The following THSD7B variants were observed in gnomAD, a reference collection of about 807,000 sequenced individuals.
THSD7B encodes the protein thrombospondin type-1 domain-containing protein 7B.
A neutral mutation model predicts 213.6 loss-of-function variants in THSD7B; 138 were observed. That is an observed-to-expected ratio of 0.65 (90% CI 0.56 to 0.74). The LOEUF is 0.74. Ranked by LOEUF, THSD7B falls within the 30% of genes least tolerant of loss-of-function variation. The pLI, the probability that THSD7B is intolerant of heterozygous loss-of-function variation, is 0.00. For missense variants in THSD7B, 1,931 were observed against 1,991.5 expected, an observed-to-expected ratio of 0.97 and a Z score of 0.58; for synonymous variants, 742 against 687.0, an observed-to-expected ratio of 1.08 and a Z score of -1.25.
intron 2 of THSD7B, among the ~76,000 whole-genome samples, chr2:136,883,556 T>C (rs1465611): frequency 0.99 from 150,753 of 152,236 alleles, 74,659 homozygotes; most frequent in South Asian, 1. Context: ...TCACAAAAGA[T>C]GAACATTTGA....
At chr2:137,178,639 A>G (rs1386488713) in intron 7 of THSD7B, among the ~76,000 whole-genome samples, 2 of 152,130 alleles carry the variant, frequency 1.3e-5, no homozygotes, top group African/African-American at 4.8e-5. Context: ...AAAAATAGAG[A>G]CTCATTCTAA....
chr2:137,108,237 A>G (rs1688291181), intron 4 of THSD7B, among the ~76,000 whole-genome samples: 1 of 152,232 alleles, frequency 6.6e-6, no homozygotes, highest in Non-Finnish European at 1.5e-5. Flanking sequence ...TAGAAGAAGG[A>G]GCAAAGAAAC....
intron 2 of THSD7B, among the ~76,000 whole-genome samples, chr2:136,986,262 G>A (rs980015056): frequency 3.9e-5 from 6 of 152,144 alleles, no homozygotes; most frequent in African/African-American, 1.4e-4. Flanking sequence ...GGGCAGCCAG[G>A]GATGGAATGA....
chr2:137,225,438 GAA>G (rs1272073019), intron 7 of THSD7B, among the ~76,000 whole-genome samples: 1 of 152,150 alleles, frequency 6.6e-6, no homozygotes, highest in Non-Finnish European at 1.5e-5. Flanking sequence ...AATGTAAAGA[GAA>G]AGATATATGT....
At chr2:137,527,808 G>T (rs557868563) in intron 15 of THSD7B, among the ~76,000 whole-genome samples, 1 of 152,172 alleles carries the variant, frequency 6.6e-6, no homozygotes, top group African/African-American at 2.4e-5. Context: ...AATTTTGGAG[G>T]ATATTAGGAC....
At chr2:136,929,911 T>C (rs965172734) in intron 2 of THSD7B, among the ~76,000 whole-genome samples, 4 of 152,208 alleles carry the variant, frequency 2.6e-5, no homozygotes, top group African/African-American at 9.6e-5. Flanking sequence ...CATAACATTT[T>C]CATGACAGCT....
intron 3 of THSD7B, among the ~76,000 whole-genome samples, chr2:137,083,180 T>C (rs1466084700): frequency 6.6e-6 from 1 of 152,090 alleles, no homozygotes; most frequent in Non-Finnish European, 1.5e-5. Flanking sequence ...GCTATGTAAC[T>C]CAAGCAGCGT....
chr2:137,564,559 T>A (rs1353871243), intron 16 of THSD7B, among the ~76,000 whole-genome samples: 1 of 152,150 alleles, frequency 6.6e-6, no homozygotes, highest in Non-Finnish European at 1.5e-5. Flanking sequence ...TATTCTCTCA[T>A]GGTTTTGAAA....
At chr2:137,449,242 G>A (rs994504060) in intron 14 of THSD7B, among the ~76,000 whole-genome samples, 1 of 152,062 alleles carries the variant, frequency 6.6e-6, no homozygotes, top group Non-Finnish European at 1.5e-5. Context: ...TGGAATAGGG[G>A]ACTTATTTAT....
chr2:137,236,853 G>A (rs558854534), intron 9 of THSD7B, among the ~76,000 whole-genome samples: 4 of 152,290 alleles, frequency 2.6e-5, no homozygotes, highest in South Asian at 2.1e-4. Flanking sequence ...GCTCATGCCT[G>A]TAATCCCAGC....
intron 1 of THSD7B, among the ~76,000 whole-genome samples, chr2:136,800,318 G>A (rs12615035): frequency 0.11 from 16,409 of 151,750 alleles, 1,006 homozygotes; most frequent in South Asian, 0.2. Flanking sequence ...AGGTGATTAA[G>A]CATCATATTA....
intron 4 of THSD7B, among the ~76,000 whole-genome samples, chr2:137,104,689 G>T (rs1472175355): frequency 1.3e-5 from 2 of 151,316 alleles, no homozygotes; most frequent in Non-Finnish European, 2.9e-5. Context: ...AAAGAGAGAA[G>T]AATCAAATAG....
intron 12 of THSD7B, among the ~76,000 whole-genome samples, chr2:137,319,197 G>C (rs577303530): frequency 8.7e-4 from 132 of 151,500 alleles, no homozygotes; most frequent in African/African-American, 3.1e-3. Context: ...AGGGAGTTAA[G>C]ATGACTATAC....
At chr2:136,973,454 A>G (rs1685433775) in intron 2 of THSD7B, among the ~76,000 whole-genome samples, 1 of 152,064 alleles carries the variant, frequency 6.6e-6, no homozygotes. Context: ...TTTTTTCTGC[A>G]CTTTTTTTCT....
intron 15 of THSD7B, among the ~76,000 whole-genome samples, chr2:137,538,891 T>A (rs1034408019): frequency 6.6e-6 from 1 of 151,664 alleles, no homozygotes; most frequent in African/African-American, 2.4e-5. Context: ...ATGGTTAATA[T>A]AGCTCCAAAC....
rs1223696430 is a variant in THSD7B at position 137,160,386 on chromosome 2, A to G, written c.1525+18A>G. On this transcript the variant is annotated intron_variant, in intron 6 of 27. Coordinates refer to ENST00000409968, the MANE Select transcript of THSD7B (RefSeq NM_001316349.2). ...GAAAAAAGGTGAGTGCCTTGTTTGC[A>G]TGCGCTTCATTTGCTGTCAGCGTAC... 2 of 1,610,118 alleles carry G rather than the reference A, an allele frequency of 1.2e-6. No homozygotes were observed. The highest frequency in any genetic ancestry group is 1.7e-6 in the Non-Finnish European group (2 of 1,178,172).
rs1374900104 is a variant in THSD7B, at chr2:137,568,678, G to T, written c.3273-3728G>T. Among the ~76,000 whole-genome samples the T allele has an allele frequency of 3.3e-5, 5 of 152,082 alleles. No individual in the cohort carries two copies. The East Asian group carries it at 9.7e-4, about 29-fold the overall frequency. The stretch of plus-strand genomic sequence containing the variant: ...AGTGAGTGTCAGCACAGGAAAAACT[G>T]CCATTTATAAAACCATCAGACTTCG... On this transcript the variant is annotated intron_variant, in intron 16 of 27. Coordinates refer to ENST00000409968, the MANE Select transcript of THSD7B (RefSeq NM_001316349.2).
intron 12 of THSD7B, among the ~76,000 whole-genome samples, chr2:137,365,835 A>G (rs1281549184): frequency 3.9e-5 from 6 of 152,304 alleles, no homozygotes; most frequent in Non-Finnish European, 8.8e-5. Context: ...CAGTGTGGCG[A>G]TCCCTCAGGG....
chr2:137,241,701 G>A (rs557838031), intron 9 of THSD7B, among the ~76,000 whole-genome samples: 5 of 152,008 alleles, frequency 3.3e-5, no homozygotes, highest in African/African-American at 1.2e-4. Flanking sequence ...TTATGAGGTC[G>A]AGAGATCGAG....
Sources: gnomAD v4.1 joint callset for allele counts (sites outside exome capture counted in the v4.1 genomes callset) on GRCh38, gnomAD v4.1.1 for gene constraint, MANE v1.5 for transcripts, NCBI Gene and HGNC (gene_info 2026-07-23, HGNC 2026-07-21) for gene names.